SYNPO2: variants seen among roughly 807,000 people sequenced by gnomAD.
SYNPO2 encodes synaptopodin 2, also known as synaptopodin-2.
SYNPO2 carries 56 observed loss-of-function variants against 85.0 expected under a neutral mutation model. The ratio of observed to expected loss-of-function variants is 0.66; its 90% confidence interval spans 0.53 to 0.82. The LOEUF (loss-of-function observed/expected upper bound fraction) is 0.82, where lower values mean the gene tolerates loss of function less well. SYNPO2 is among the 40% of genes least tolerant of loss of function. The probability of loss-of-function intolerance (pLI) is 0.00; values close to 1 mark genes in which losing one functional copy is unlikely to be tolerated. For synonymous variants in SYNPO2, 602 were observed against 591.1 expected (o/e 1.02, Z -0.27); for missense variants, 1,575 against 1,534.2 (o/e 1.03, Z -0.44).
At chr4:118,987,540 C>CTG (rs1438792399) in intron 1 of SYNPO2, among the ~76,000 whole-genome samples, 2 of 151,676 alleles carry the variant, frequency 1.3e-5, no homozygotes, top group African/African-American at 2.4e-5. Flanking sequence ...TGGTGAGTGC[C>CTG]TGTGGTCCCA....
At chr4:119,015,128 G>A (rs1024909997) in intron 1 of SYNPO2, among the ~76,000 whole-genome samples, 3 of 152,192 alleles carry the variant, frequency 2.0e-5, no homozygotes, top group Non-Finnish European at 2.9e-5. Context: ...GTTTGACAAA[G>A]TATAGAATTA....
At chr4:118,882,599 C>G (rs773178804) in intron 1 of SYNPO2, among the ~76,000 whole-genome samples, 59 of 151,928 alleles carry the variant, frequency 3.9e-4, no homozygotes, top group Non-Finnish European at 6.8e-4. Flanking sequence ...AATATGTGCT[C>G]TCTCTCTCTC....
chr4:118,901,549 T>G (rs1367416505), intron 1 of SYNPO2, among the ~76,000 whole-genome samples: 1 of 152,268 alleles, frequency 6.6e-6, no homozygotes, highest in Non-Finnish European at 1.5e-5. Context: ...GCTGTATTCT[T>G]GTTTTTCTGT....
intron 1 of SYNPO2, among the ~76,000 whole-genome samples, chr4:118,863,915 T>C (rs1166443166): frequency 2.0e-5 from 3 of 152,220 alleles, no homozygotes; most frequent in Non-Finnish European, 2.9e-5. Context: ...CTTTGCTTCA[T>C]TGATCTTTTG....
rs1735668718 is a variant in SYNPO2 at position 118,974,954 on chromosome 4, C to A, written c.106-48476C>A. On this transcript the variant is annotated intron_variant, in intron 1 of 4. Coordinates refer to ENST00000307142, the MANE Select transcript of SYNPO2 (RefSeq NM_133477.3). ...TAGTCCATCCTACACACTGACTAAT[C>A]TCCCTAGAGTGCTTACAAACCAATA... 2.0e-5 allele frequency among the ~76,000 whole-genome samples: 3 copies of A among 152,200 alleles called. No individual in the cohort carries two copies. The South Asian group carries it at 6.2e-4, about 32-fold the overall frequency.
intron 4 of SYNPO2, among the ~76,000 whole-genome samples, chr4:119,048,224 G>A (rs1466647577): frequency 6.6e-6 from 1 of 152,200 alleles, no homozygotes; most frequent in Non-Finnish European, 1.5e-5. Flanking sequence ...ATTGAAGGTG[G>A]TGGGGATAGT....
At chr4:118,859,258 TA>T (rs1366598544) in intron 1 of SYNPO2, among the ~76,000 whole-genome samples, 1 of 152,214 alleles carries the variant, frequency 6.6e-6, no homozygotes, top group Non-Finnish European at 1.5e-5. Flanking sequence ...TAAATTTTTT[TA>T]AATTAAATCT....
intron 1 of SYNPO2, among the ~76,000 whole-genome samples, chr4:118,996,874 T>C (rs1299482891): frequency 7.5e-6 from 1 of 133,664 alleles, no homozygotes; most frequent in Admixed American, 7.5e-5. Context: ...AAAAAAAAAG[T>C]GTCATAAGAC....
At chr4:119,045,277 G>A (rs1738839994) in intron 4 of SYNPO2, among the ~76,000 whole-genome samples, 1 of 152,150 alleles carries the variant, frequency 6.6e-6, no homozygotes, top group South Asian at 2.1e-4. Context: ...CCATGTGCCA[G>A]GTACCAACAT....
At chr4:118,965,782 G>A (rs1735293789) in intron 1 of SYNPO2, among the ~76,000 whole-genome samples, 1 of 152,036 alleles carries the variant, frequency 6.6e-6, no homozygotes, top group South Asian at 2.1e-4. Context: ...CGTACAAGAT[G>A]ATATCAAAAA....
rs771472281 is a variant in SYNPO2 at position 119,031,549 on chromosome 4, A to G, written c.2774A>G (p.Tyr925Cys). ...SNVRAPPPVA[Y>C]NPIHSPSYPL... ...GTCCGAGCACCTCCTCCTGTGGCCT[A>G]TAATCCTATCCACTCGCCGTCTTAC... Residue 925 changes from tyrosine (Y) to cysteine (C), a missense_variant, in exon 4 of 5, where the codon TAT (tyrosine) becomes TGT (cysteine). Coordinates refer to ENST00000307142, the MANE Select transcript of SYNPO2 (RefSeq NM_133477.3). 2.5e-6 allele frequency: 4 copies of G among 1,614,154 alleles called. No homozygotes were observed. The highest frequency in any genetic ancestry group is 2.2e-5 in the East Asian group (1 of 44,876).
At chr4:118,894,940 A>T (rs1235068227) in intron 1 of SYNPO2, among the ~76,000 whole-genome samples, 1 of 152,198 alleles carries the variant, frequency 6.6e-6, no homozygotes, top group Non-Finnish European at 1.5e-5. Context: ...TTTCAACATG[A>T]TCATCAATGG....
chr4:118,926,590 A>G (rs890984392), intron 1 of SYNPO2, among the ~76,000 whole-genome samples: 1 of 152,178 alleles, frequency 6.6e-6, no homozygotes, highest in Admixed American at 6.5e-5. Context: ...CTGGAGTTGT[A>G]TGGTGCAAAT....
intron 1 of SYNPO2, among the ~76,000 whole-genome samples, chr4:118,966,421 T>A (rs1735319166): frequency 6.6e-6 from 1 of 152,078 alleles, no homozygotes; most frequent in South Asian, 2.1e-4. Context: ...AGTTGGTTTG[T>A]CTTTCCCAGA....
intron 1 of SYNPO2, among the ~76,000 whole-genome samples, chr4:118,921,725 C>T (rs1323417144): frequency 6.6e-6 from 1 of 151,956 alleles, no homozygotes; most frequent in Non-Finnish European, 1.5e-5. Flanking sequence ...TTTCTATTGC[C>T]ACTTAAGCTT....
chr4:118,988,691 T>C (rs1377166338), intron 1 of SYNPO2, among the ~76,000 whole-genome samples: 1 of 152,218 alleles, frequency 6.6e-6, no homozygotes, highest in Non-Finnish European at 1.5e-5. Context: ...GACATTATGA[T>C]GAGGAGTTTC....
In SYNPO2 at chr4:118,879,294, T is replaced by C. The variant is rs72907288; in HGVS notation, c.12+28354T>C. Among the ~76,000 whole-genome samples, 427 of 152,250 alleles carry C rather than the reference T, an allele frequency of 2.8e-3. 3 individuals carry two copies. The highest frequency in any genetic ancestry group is 7.2e-3 in the African/African-American group (301 of 41,542). On this transcript the variant is annotated intron_variant, in intron 1 of 4. Transcript: ENST00000610556. ...CAATTCTGAACACAGAAGTGCCAAT[T>C]CAGAGAGGGTTAGAGCTTCCTTTTC...
intron 1 of SYNPO2, among the ~76,000 whole-genome samples, chr4:118,900,733 G>A (rs375488745): frequency 0.013 from 943 of 72,510 alleles, 6 homozygotes; most frequent in Non-Finnish European, 0.016. Context: ...ATATATATAT[G>A]TCTGTCTGTC....
intron 4 of SYNPO2, among the ~76,000 whole-genome samples, chr4:119,050,899 C>G (rs951696204): frequency 4.6e-5 from 7 of 152,182 alleles, no homozygotes; most frequent in African/African-American, 1.7e-4. Context: ...TCACTCAGCA[C>G]GTGGCCTTGT....
Sources: allele counts gnomAD v4.1 joint callset (sites outside exome capture counted in the v4.1 genomes callset), GRCh38; gene constraint gnomAD v4.1.1; transcripts MANE v1.5; gene names NCBI Gene and HGNC (gene_info 2026-07-23, HGNC 2026-07-21).